DNAH9: variants seen among roughly 807,000 people sequenced by gnomAD.
DNAH9 encodes the protein DNAH9 variant protein.
DNAH9 carries 345 observed loss-of-function variants against 471.6 expected under a neutral mutation model. The observed-to-expected ratio is 0.73, with a 90% confidence interval of 0.67 to 0.80. The LOEUF (loss-of-function observed/expected upper bound fraction) is 0.80. Ranked by LOEUF, DNAH9 falls within the 30% of genes least tolerant of loss-of-function variation. DNAH9 has a pLI of 0.00. For missense variants in DNAH9, 5,407 were observed against 5,609.2 expected, an observed-to-expected ratio of 0.96 and a Z score of 1.15; for synonymous variants, 2,093 against 2,123.6, an observed-to-expected ratio of 0.99 and a Z score of 0.40.
intron 38 of DNAH9, 111 bp from the exon 39 acceptor site, chr17:11,780,898 T>A: frequency 1.7e-6 from 2 of 1,187,818 alleles, no homozygotes; most frequent in Middle Eastern, 2.9e-4. Context: ...GCGTTGCTGT[T>A]TTTTGCACAC....
chr17:11,765,675 T>C (rs1967904199), intron 36 of DNAH9, among the ~76,000 whole-genome samples: 1 of 152,174 alleles, frequency 6.6e-6, no homozygotes, highest in Non-Finnish European at 1.5e-5. Context: ...TCTGAGAATT[T>C]TCTGCTGTCT....
At chr17:11,734,992 C>A (rs552463942) in intron 28 of DNAH9, among the ~76,000 whole-genome samples, 2 of 152,148 alleles carry the variant, frequency 1.3e-5, no homozygotes, top group Non-Finnish European at 2.9e-5. Flanking sequence ...CCTGTTCCGA[C>A]GCACCTCATT....
chr17:11,941,693 C>CA (rs1974912287), intron 66 of DNAH9, among the ~76,000 whole-genome samples: 2 of 124,594 alleles, frequency 1.6e-5, no homozygotes, highest in Non-Finnish European at 3.4e-5. Context: ...AGTGGATGAC[C>CA]GGATAGATAG....
intron 57 of DNAH9, among the ~76,000 whole-genome samples, chr17:11,891,354 T>G (rs532864592): frequency 1.3e-5 from 2 of 151,896 alleles, no homozygotes; most frequent in East Asian, 1.9e-4. Flanking sequence ...AAACATTTCT[T>G]TGGTTTTTTT....
At position 11,652,809 on chromosome 17, in the gene DNAH9, A is replaced by C. The variant is rs755254846; in HGVS notation, c.2402A>C (p.Glu801Ala). ...ATCACCAGTAGTATTCATGATCTTG[A>C]ACAAAGAATTCAGAAAACTAAAGAC... ...TEITSSIHDL[E>A]QRIQKTKDNV... Residue 801 changes from glutamate to alanine, a missense_variant, in exon 14 of 69, where the codon GAA becomes GCA. By Grantham distance (107) the Glu-to-Ala change is moderately radical (BLOSUM62 -1). Around this residue, in one of 3 missense-constraint regions of DNAH9, gnomAD observed 4,636 missense variants for 4,900.3 expected, o/e 0.95. Coordinates refer to ENST00000262442, the MANE Select transcript of DNAH9 (RefSeq NM_001372.4). The C allele has an allele frequency of 6.2e-7, 1 of 1,613,556 alleles. No individual in the cohort carries two copies. Among genetic ancestry groups the C allele is most frequent in the Non-Finnish European group, 8.5e-7 (1 of 1,179,492 alleles).
At chr17:11,757,513 T>A in intron 34 of DNAH9, 32 bp from the exon 35 acceptor site, 1 of 1,584,920 alleles carries the variant, frequency 6.3e-7, no homozygotes, top group Non-Finnish European at 8.6e-7. Flanking sequence ...GTATATGGAA[T>A]ATTCACTAAA....
chr17:11,874,842 G>T, intron 52 of DNAH9, 107 bp from the exon 53 acceptor site: 1 of 804,944 alleles, frequency 1.2e-6, no homozygotes, highest in South Asian at 1.6e-5. Context: ...GTGGGATGTT[G>T]ATCTTGCTTT....
intron 31 of DNAH9, among the ~76,000 whole-genome samples, 162 bp from the exon 32 acceptor site, chr17:11,747,394 T>A (rs1471962714): frequency 6.6e-6 from 1 of 152,210 alleles, no homozygotes; most frequent in Admixed American, 6.5e-5. Flanking sequence ...AAATGAATCA[T>A]GTTGCCCCTA....
chr17:11,631,381 A>C (rs949654334), intron 7 of DNAH9, among the ~76,000 whole-genome samples: 5 of 152,220 alleles, frequency 3.3e-5, no homozygotes, highest in African/African-American at 4.8e-5. Context: ...GGCCAGACCC[A>C]GGAAGATTCT....
intron 43 of DNAH9, among the ~76,000 whole-genome samples, chr17:11,803,432 C>T (rs756756197): frequency 6.6e-6 from 1 of 152,096 alleles, no homozygotes; most frequent in South Asian, 2.1e-4. Context: ...GTGTCTAGTC[C>T]AATAAATCAA....
intron 66 of DNAH9, among the ~76,000 whole-genome samples, chr17:11,939,607 A>C: frequency 6.6e-6 from 1 of 152,284 alleles, no homozygotes; most frequent in South Asian, 2.1e-4. Context: ...AGGTCAGCTC[A>C]AGATGAGGGG....
At chr17:11,743,836 T>G (rs2075469307) in intron 30 of DNAH9, among the ~76,000 whole-genome samples, 1 of 150,726 alleles carries the variant, frequency 6.6e-6, no homozygotes, top group East Asian at 1.9e-4. Context: ...TGGCTGCATT[T>G]TTTTTTTTTT....
chr17:11,870,862 T>C (rs1972237600), intron 51 of DNAH9, among the ~76,000 whole-genome samples: 1 of 152,160 alleles, frequency 6.6e-6, no homozygotes, highest in African/African-American at 2.4e-5. Flanking sequence ...TATTTGGACT[T>C]TCTGACCTTT....
chr17:11,651,865 A>G (rs900301479), intron 13 of DNAH9, among the ~76,000 whole-genome samples: 1 of 152,158 alleles, frequency 6.6e-6, no homozygotes. Flanking sequence ...ACAGAGCCAT[A>G]TGATGACTTT....
chr17:11,641,660 C>T (rs1217240894), intron 10 of DNAH9, among the ~76,000 whole-genome samples: 1 of 151,998 alleles, frequency 6.6e-6, no homozygotes, highest in African/African-American at 2.4e-5. Flanking sequence ...AGCCCTCATG[C>T]ATCTCAATCA....
rs538368619 is a variant in DNAH9 at position 11,755,003 on chromosome 17, A to G, written c.6739-1565A>G. Reference sequence around the variant, plus strand: ...TTAATCCTCTTGAGTTAATCTTTGTATATCATGTAAAGAAGGGCGCCAGTT... The same window carrying G: ...TTAATCCTCTTGAGTTAATCTTTGTGTATCATGTAAAGAAGGGCGCCAGTT... On this transcript the variant is annotated intron_variant, in intron 33 of 68. Transcript: ENST00000262442. Among the ~76,000 whole-genome samples, 7 of 152,282 alleles carry G rather than the reference A, an allele frequency of 4.6e-5. No individual in the cohort carries two copies. In the South Asian group the frequency reaches 1.5e-3, roughly 32 times the overall value.
intron 43 of DNAH9, among the ~76,000 whole-genome samples, chr17:11,799,453 G>T (rs996680861): frequency 1.3e-5 from 2 of 151,766 alleles, no homozygotes; most frequent in Non-Finnish European, 2.9e-5. Flanking sequence ...TGCAAACTCT[G>T]CCTCCTGGGT....
At chr17:11,627,799 G>T (rs2150668281) in intron 6 of DNAH9, among the ~76,000 whole-genome samples, 1 of 152,234 alleles carries the variant, frequency 6.6e-6, no homozygotes, top group African/African-American at 2.4e-5. Flanking sequence ...AGGCTTGTTA[G>T]ATGGCTGCCC....
At chr17:11,925,889 A>T (rs750167631) in intron 62 of DNAH9, among the ~76,000 whole-genome samples, 10 of 152,130 alleles carry the variant, frequency 6.6e-5, no homozygotes, top group Non-Finnish European at 1.3e-4. Flanking sequence ...AAGTGCTCAC[A>T]GAAACAAAAG....
Sources: gnomAD v4.1 joint callset for allele counts (sites outside exome capture counted in the v4.1 genomes callset) on GRCh38, gnomAD v4.1.1 for gene constraint, gnomAD v4.1.1 regional missense constraint, MANE v1.5 for transcripts, NCBI Gene and HGNC (gene_info 2026-07-23, HGNC 2026-07-21) for gene names.